TRHDE: variants seen among roughly 807,000 people sequenced by gnomAD.
TRHDE encodes thyrotropin-releasing hormone-degrading ectoenzyme.
TRHDE carries 72 observed loss-of-function variants against 125.7 expected under a neutral mutation model. The ratio of observed to expected loss-of-function variants is 0.57; its 90% confidence interval spans 0.47 to 0.70. TRHDE has a LOEUF of 0.70. Ranked by LOEUF, TRHDE falls within the 30% of genes least tolerant of loss-of-function variation. TRHDE has a pLI of 0.00. For missense variants in TRHDE, 1,110 were observed against 1,327.1 expected (o/e 0.84, Z 2.54); for synonymous variants, 509 against 509.1 (o/e 1.00, Z 0.00).
chr12:72,579,217 A>T (rs1592550560), intron 12 of TRHDE, among the ~76,000 whole-genome samples: 1 of 152,108 alleles, frequency 6.6e-6, no homozygotes, highest in East Asian at 1.9e-4. Context: ...AGCCTTTTCC[A>T]ATTTAACCCT....
At chr12:72,483,790 C>T (rs1369085005) in intron 5 of TRHDE, among the ~76,000 whole-genome samples, 1 of 151,882 alleles carries the variant, frequency 6.6e-6, no homozygotes, top group African/African-American at 2.4e-5. Context: ...ATAAAGACTT[C>T]TTATTATCTG....
chr12:72,144,650 T>C (rs1378345926), intron 2 of TRHDE, among the ~76,000 whole-genome samples: 3 of 152,186 alleles, frequency 2.0e-5, no homozygotes, highest in Non-Finnish European at 4.4e-5. Flanking sequence ...TTCATCTTCC[T>C]TGTTCCAAAT....
chr12:72,596,514 A>G (rs1405897070), intron 12 of TRHDE, among the ~76,000 whole-genome samples: 3 of 152,190 alleles, frequency 2.0e-5, no homozygotes, highest in Non-Finnish European at 4.4e-5. Context: ...GCATTTTATA[A>G]TACATTGGTC....
chr12:72,188,270 A>G (rs2139346939), intron 2 of TRHDE, among the ~76,000 whole-genome samples: 1 of 152,372 alleles, frequency 6.6e-6, no homozygotes, highest in Non-Finnish European at 1.5e-5. Context: ...AATTCATTAT[A>G]GTTGTGAGTA....
rs1875105478 is a variant in TRHDE, at chr12:72,666,134, T to C, written c.*2939T>C. ...CATGTATTGATAAAATGCATTGCTT[T>C]CTCAAAGAACTGTTACACATTTTGT... is the stretch of plus-strand genomic sequence containing the variant. On this transcript the variant is annotated 3_prime_UTR_variant, in exon 19 of 19. Coordinates refer to ENST00000261180, the MANE Select transcript of TRHDE (RefSeq NM_013381.3). 1 of 152,150 alleles carries C rather than the reference T, an allele frequency of 6.6e-6. No homozygotes were observed. Among genetic ancestry groups the C allele is most frequent in the African/African-American group, 2.4e-5 (1 of 41,460 alleles). 9.4% of individuals were successfully genotyped at this position (152,150 alleles called of 1,614,324 possible).
chr12:72,373,408 C>T (rs1026545852), intron 2 of TRHDE, among the ~76,000 whole-genome samples: 1 of 152,104 alleles, frequency 6.6e-6, no homozygotes, highest in African/African-American at 2.4e-5. Flanking sequence ...ATTGCCCTGG[C>T]CAGAACTTCC....
rs565872289 is a variant in TRHDE at position 72,650,142 on chromosome 12, CAGAT to C, written c.2676-2179_2676-2176del. ...TGGAAACAATCTAAATGTTCATCAA[CAGAT>C]GGATGGATAAAGGAAACGTAGTGTA... is the stretch of plus-strand genomic sequence containing the variant. On this transcript the variant is annotated intron_variant, in intron 15 of 18. Coordinates refer to ENST00000261180, the MANE Select transcript of TRHDE (RefSeq NM_013381.3). 2.0e-4 allele frequency among the ~76,000 whole-genome samples: 30 copies of C among 152,158 alleles called. No individual in the cohort carries two copies. The South Asian group carries it at 2.3e-3, about 12-fold the overall frequency.
chr12:72,484,847 CA>C (rs1278557995), intron 5 of TRHDE, among the ~76,000 whole-genome samples: 1 of 151,982 alleles, frequency 6.6e-6, no homozygotes, highest in African/African-American at 2.4e-5. Flanking sequence ...CCCCAGACAA[CA>C]AAGAAATAAC....
chr12:72,305,987 T>C (rs1009435776), intron 2 of TRHDE, among the ~76,000 whole-genome samples: 1 of 152,192 alleles, frequency 6.6e-6, no homozygotes, highest in Non-Finnish European at 1.5e-5. Context: ...TACAGACAGC[T>C]CCATTTTGCC....
At chr12:72,334,220 A>G (rs923800701) in intron 2 of TRHDE, among the ~76,000 whole-genome samples, 4 of 152,198 alleles carry the variant, frequency 2.6e-5, no homozygotes, top group African/African-American at 9.7e-5. Flanking sequence ...CATAGTCGAC[A>G]TTTTGCTCAT....
In TRHDE at chr12:72,096,052, G is replaced by A. The variant is rs1874908315; in HGVS notation, n.174+8613G>A. Among the ~76,000 whole-genome samples the A allele has an allele frequency of 2.0e-5, 3 of 151,274 alleles. No individual in the cohort carries two copies. In the South Asian group the frequency reaches 6.3e-4, roughly 32 times the overall value. On this transcript the variant is annotated intron_variant and non_coding_transcript_variant, in intron 1 of 4. Coordinates refer to the TRHDE transcript ENST00000548156. ...CATCTCACTGAGTCTCCAGTGTGAT[G>A]GCTCACACTGCAGATTTTGGACTTG...
chr12:72,351,418 G>T (rs533451157), intron 2 of TRHDE, among the ~76,000 whole-genome samples: 1 of 152,090 alleles, frequency 6.6e-6, no homozygotes, highest in East Asian at 1.9e-4. Context: ...CCAAGCAGTT[G>T]CAAGAGAGCA....
chr12:72,211,908 C>G (rs1877790527), intron 2 of TRHDE, among the ~76,000 whole-genome samples: 1 of 151,998 alleles, frequency 6.6e-6, no homozygotes, highest in Non-Finnish European at 1.5e-5. Context: ...TTCAGAAAAG[C>G]CAAGTCCAAA....
At chr12:72,531,707 G>A (rs191063592) in intron 6 of TRHDE, among the ~76,000 whole-genome samples, 110 of 152,086 alleles carry the variant, frequency 7.2e-4, no homozygotes, top group African/African-American at 2.5e-3. Flanking sequence ...AATCATTCTA[G>A]TGTGATTTAC....
intron 3 of TRHDE, among the ~76,000 whole-genome samples, chr12:72,435,639 G>T (rs1874706615): frequency 7.3e-6 from 1 of 136,178 alleles, no homozygotes; most frequent in Non-Finnish European, 1.5e-5. Context: ...CCCAGGCTGG[G>T]ATTTTTTTTT....
chr12:72,571,116 T>A (rs777539069), intron 10 of TRHDE, among the ~76,000 whole-genome samples: 11 of 152,154 alleles, frequency 7.2e-5, no homozygotes, highest in Non-Finnish European at 1.0e-4. Context: ...TCCTTCGTTC[T>A]GATGACTAAT....
chr12:72,497,670 T>C (rs536216263), intron 5 of TRHDE, among the ~76,000 whole-genome samples: 12 of 152,262 alleles, frequency 7.9e-5, no homozygotes, highest in African/African-American at 2.9e-4. Context: ...TATCAGATAG[T>C]TTTCATCTAC....
intron 3 of TRHDE, among the ~76,000 whole-genome samples, chr12:72,424,322 T>C (rs1170421897): frequency 6.6e-6 from 1 of 152,106 alleles, no homozygotes; most frequent in African/African-American, 2.4e-5. Flanking sequence ...GTTTTCCTTT[T>C]CTTATAAGAA....
chr12:72,415,689 G>C (rs1241697814), intron 3 of TRHDE, among the ~76,000 whole-genome samples: 4 of 151,630 alleles, frequency 2.6e-5, no homozygotes, highest in Non-Finnish European at 5.9e-5. Flanking sequence ...ATATGCTCCA[G>C]TGCCATCCAC....
Sources: gnomAD v4.1 joint callset for allele counts (sites outside exome capture counted in the v4.1 genomes callset) on GRCh38, gnomAD v4.1.1 for gene constraint, MANE v1.5 for transcripts, NCBI Gene and HGNC (gene_info 2026-07-23, HGNC 2026-07-21) for gene names.